HSD17B12: variants seen among roughly 807,000 people sequenced by gnomAD.
HSD17B12 encodes the protein very-long-chain 3-oxoacyl-CoA reductase.
In HSD17B12, 32 loss-of-function variants were observed where a neutral mutation model predicts 39.3. The observed-to-expected ratio is 0.81, with a 90% CI of 0.61 to 1.09. HSD17B12 has a LOEUF of 1.09. Among genes scored for constraint, HSD17B12 ranks in the 50% least tolerant of loss-of-function variants. The pLI is 0.00. For missense variants in HSD17B12, 342 were observed against 382.9 expected (o/e 0.89, Z 0.89); for synonymous variants, 150 against 146.7 (o/e 1.02, Z -0.16).
intron 4 of HSD17B12, among the ~76,000 whole-genome samples, chr11:43,801,253 G>A (rs1590312044): frequency 6.6e-6 from 1 of 152,162 alleles, no homozygotes; most frequent in East Asian, 1.9e-4. Context: ...AGTAGGGAAG[G>A]ACAGGGTGTA....
the HSD17B12 span, among the ~76,000 whole-genome samples, chr11:43,566,842 AAAT>A: frequency 6.6e-6 from 1 of 152,182 alleles, no homozygotes; most frequent in African/African-American, 2.4e-5. Flanking sequence ...GAACATTTAA[AAAT>A]AATAATAATA....
At chr11:43,847,913 C>A (rs1338284871) in intron 9 of HSD17B12, among the ~76,000 whole-genome samples, 3 of 151,948 alleles carry the variant, frequency 2.0e-5, no homozygotes, top group Non-Finnish European at 2.9e-5. Flanking sequence ...AGAGAAAACA[C>A]AATTTAAGAA....
intron 1 of HSD17B12, among the ~76,000 whole-genome samples, chr11:43,721,505 G>A (rs1481502378): frequency 6.6e-6 from 1 of 152,166 alleles, no homozygotes; most frequent in Non-Finnish European, 1.5e-5. Context: ...TGTAGTCCCA[G>A]CTACTCGGGA....
the HSD17B12 span, among the ~76,000 whole-genome samples, chr11:43,632,878 A>G: frequency 6.6e-6 from 1 of 152,238 alleles, no homozygotes; most frequent in Non-Finnish European, 1.5e-5. Context: ...GCTTCATTCA[A>G]TTCTGATACT....
At chr11:43,828,445 T>C (rs910812966) in intron 6 of HSD17B12, among the ~76,000 whole-genome samples, 1 of 152,148 alleles carries the variant, frequency 6.6e-6, no homozygotes, top group Non-Finnish European at 1.5e-5. Context: ...CCGGCCACTT[T>C]TGTCTACTTC....
chr11:43,650,747 A>G, the HSD17B12 span, among the ~76,000 whole-genome samples: 2 of 152,228 alleles, frequency 1.3e-5, no homozygotes, highest in African/African-American at 4.8e-5. Flanking sequence ...GCACACATGT[A>G]GTACAGTAGT....
Position 43,758,957 on chromosome 11 carries a change from T to C in HSD17B12, c.283+4836T>C, listed in dbSNP as rs1003389669. Among the ~76,000 whole-genome samples, 4 of 152,162 alleles carry C rather than the reference T, an allele frequency of 2.6e-5. No individual in the cohort carries two copies. In the South Asian group the frequency reaches 8.3e-4, roughly 32 times the overall value. On this transcript the variant is annotated intron_variant, in intron 3 of 10. Coordinates refer to ENST00000278353, the MANE Select transcript of HSD17B12 (RefSeq NM_016142.3). ...AAACCAGTGCAAAAGTCCTTTGAAG[T>C]TTGTCTTGTGATCCTACTCCTGAAA... is the stretch of plus-strand genomic sequence containing the variant.
In HSD17B12 at chr11:43,856,343, T is replaced by C. The variant is rs960085110; in HGVS notation, c.*1095T>C. ...TACTGTGAAATATGCAGCAAGAAGA[T>C]TGGTCTTTACCTAGGCTGTGTTTCC... On this transcript the variant is annotated 3_prime_UTR_variant, in exon 11 of 11. Transcript: ENST00000278353. 4.6e-5 allele frequency: 7 copies of C among 152,136 alleles called. No homozygotes were observed. Among genetic ancestry groups the C allele is most frequent in the East Asian group, 1.9e-4 (1 of 5,192 alleles). 9.4% of individuals were successfully genotyped at this position (152,136 alleles called of 1,614,324 possible).
At chr11:43,678,056 A>C (rs1949706749), upstream of HSD17B12, among the ~76,000 whole-genome samples, 1 of 152,208 alleles carries the variant, frequency 6.6e-6, no homozygotes, top group African/African-American at 2.4e-5. Context: ...CCAACAGTGT[A>C]AAAGTGTTCT....
At chr11:43,750,439 TG>T (rs1043740290) in intron 1 of HSD17B12, among the ~76,000 whole-genome samples, 1 of 152,180 alleles carries the variant, frequency 6.6e-6, no homozygotes, top group African/African-American at 2.4e-5. Context: ...CTTTTATTGC[TG>T]TTTAGTATTC....
At chr11:43,588,850 C>T in the HSD17B12 span, among the ~76,000 whole-genome samples, 2 of 151,796 alleles carry the variant, frequency 1.3e-5, no homozygotes, top group African/African-American at 4.8e-5. Flanking sequence ...TTTTTCTCTA[C>T]TTTATGTGTC....
the HSD17B12 span, among the ~76,000 whole-genome samples, chr11:43,619,897 C>A: frequency 6.6e-6 from 1 of 152,292 alleles, no homozygotes; most frequent in African/African-American, 2.4e-5. Context: ...CTTTTCAAAC[C>A]TTGCTGCATT....
intron 1 of HSD17B12, among the ~76,000 whole-genome samples, chr11:43,705,728 A>G (rs147180658): frequency 1.4e-5 from 2 of 145,948 alleles, no homozygotes; most frequent in East Asian, 2.0e-4. Context: ...TACAGATTCA[A>G]TGGCATTTAA....
At chr11:43,748,584 C>T (rs1436676256) in intron 1 of HSD17B12, among the ~76,000 whole-genome samples, 5 of 152,116 alleles carry the variant, frequency 3.3e-5, no homozygotes, top group Non-Finnish European at 4.4e-5. Flanking sequence ...CAAACCTCCA[C>T]ATGTACCCTC....
chr11:43,609,353 T>C, the HSD17B12 span, among the ~76,000 whole-genome samples: 4 of 148,322 alleles, frequency 2.7e-5, no homozygotes, highest in African/African-American at 9.8e-5. Flanking sequence ...AAAATATATA[T>C]AATATATAAA....
At chr11:43,560,880 T>C in the HSD17B12 span, among the ~76,000 whole-genome samples, 6 of 152,174 alleles carry the variant, frequency 3.9e-5, no homozygotes, top group Non-Finnish European at 8.8e-5. Context: ...CTGAGAACCC[T>C]ATTACTCATC....
chr11:43,649,189 G>A, the HSD17B12 span, among the ~76,000 whole-genome samples: 1 of 151,950 alleles, frequency 6.6e-6, no homozygotes, highest in African/African-American at 2.4e-5. Context: ...CATTGTAGTA[G>A]AGGGTTAAAA....
At chr11:43,737,544 A>G (rs1950327730) in intron 1 of HSD17B12, among the ~76,000 whole-genome samples, 1 of 152,216 alleles carries the variant, frequency 6.6e-6, no homozygotes, top group African/African-American at 2.4e-5. Context: ...GTATGAAGAC[A>G]TAAGCCTTTT....
intron 9 of HSD17B12, among the ~76,000 whole-genome samples, chr11:43,843,307 A>G (rs987662771): frequency 6.6e-6 from 1 of 152,162 alleles, no homozygotes; most frequent in African/African-American, 2.4e-5. Context: ...GTTAAAAATG[A>G]TTGGTTTTTC....
Sources: gnomAD v4.1 joint callset for allele counts (sites outside exome capture counted in the v4.1 genomes callset) on GRCh38, gnomAD v4.1.1 for gene constraint, MANE v1.5 for transcripts, NCBI Gene and HGNC (gene_info 2026-07-23, HGNC 2026-07-21) for gene names.